Variants in ULK4 observed in about 807,000 individuals in gnomAD.
ULK4 encodes inactive serine/threonine-protein kinase ULK4.
A neutral mutation model predicts 160.6 loss-of-function variants in ULK4; 133 were observed. That is an observed-to-expected ratio of 0.83 (90% CI 0.72 to 0.96). The LOEUF is 0.96. Among genes scored for constraint, ULK4 ranks in the 40% least tolerant of loss-of-function variants. ULK4 has a pLI of 0.00. For synonymous variants in ULK4, 534 were observed against 539.8 expected, an observed-to-expected ratio of 0.99 and a Z score of 0.15; for missense variants, 1,580 against 1,499.5, an observed-to-expected ratio of 1.05 and a Z score of -0.89.
intron 32 of ULK4, among the ~76,000 whole-genome samples, chr3:41,536,117 A>G (rs2086489642): frequency 6.6e-6 from 1 of 152,104 alleles, no homozygotes. Context: ...TGACTTTTGG[A>G]GCTCACAGTC....
At chr3:41,845,377 A>G (rs1179462681) in intron 17 of ULK4, among the ~76,000 whole-genome samples, 1 of 152,180 alleles carries the variant, frequency 6.6e-6, no homozygotes, top group African/African-American at 2.4e-5. Context: ...AACAACCTAG[A>G]TGAATTTCCA....
In ULK4 at chr3:41,652,872, CAGG is replaced by C. The variant is rs1299520146; in HGVS notation, c.3071+10732_3071+10734del. Among the ~76,000 whole-genome samples the C allele has an allele frequency of 2.0e-5, 3 of 152,110 alleles. No homozygotes were observed. The East Asian group carries it at 5.8e-4, about 29-fold the overall frequency. On this transcript the variant is annotated intron_variant, in intron 30 of 36. Coordinates refer to ENST00000301831, the MANE Select transcript of ULK4 (RefSeq NM_017886.4). The stretch of plus-strand genomic sequence containing the variant: ...GTAGTACAAAGCACCATGAATAAAC[CAGG>C]AGATGTGAACCCAAAATTTGATCTT...
chr3:41,289,186 A>C (rs1280820422), intron 35 of ULK4, among the ~76,000 whole-genome samples: 1 of 152,200 alleles, frequency 6.6e-6, no homozygotes, highest in Non-Finnish European at 1.5e-5. Flanking sequence ...TGCTACTGTT[A>C]TGGCAATTAT....
At chr3:41,588,210 A>T (rs957277860) in intron 31 of ULK4, among the ~76,000 whole-genome samples, 4 of 152,186 alleles carry the variant, frequency 2.6e-5, no homozygotes, top group African/African-American at 4.8e-5. Context: ...AGCAGGAGAA[A>T]CATAGATACA....
intron 5 of ULK4, among the ~76,000 whole-genome samples, chr3:41,922,599 G>T (rs1699229612): frequency 6.6e-6 from 1 of 150,826 alleles, no homozygotes; most frequent in Non-Finnish European, 1.5e-5. Flanking sequence ...AAAGCCAAAG[G>T]TGGGGTTAAG....
At chr3:41,368,411 C>A (rs1434043453) in intron 35 of ULK4, among the ~76,000 whole-genome samples, 2 of 152,274 alleles carry the variant, frequency 1.3e-5, no homozygotes, top group Middle Eastern at 3.4e-3. Context: ...TTAAAGTGTA[C>A]AAACTCAGTG....
chr3:41,924,502 T>C (rs1398370034), intron 5 of ULK4, among the ~76,000 whole-genome samples: 2 of 152,196 alleles, frequency 1.3e-5, no homozygotes, highest in Non-Finnish European at 1.5e-5. Context: ...TGCTAGAATG[T>C]CTGACCTATT....
Position 41,881,817 on chromosome 3 carries a change from C to T in ULK4, c.1656+2057G>A, listed in dbSNP as rs563675002. Among the ~76,000 whole-genome samples the T allele has an allele frequency of 3.9e-5, 6 of 152,276 alleles. No homozygotes were observed. In the East Asian group the frequency reaches 7.7e-4, roughly 20 times the overall value. ...TACAAGAACCTCGGGAATTAACATC[C>T]ACCCTTTCCTCTCAGTTGAGGCAGC... On this transcript the variant is annotated intron_variant, in intron 17 of 36. Coordinates refer to ENST00000301831, the MANE Select transcript of ULK4 (RefSeq NM_017886.4).
At chr3:41,514,403 T>G (rs2085686120) in intron 32 of ULK4, among the ~76,000 whole-genome samples, 1 of 152,198 alleles carries the variant, frequency 6.6e-6, no homozygotes, top group Non-Finnish European at 1.5e-5. Context: ...AGGGTCATGT[T>G]TGATCCAAAT....
At chr3:41,587,529 G>C (rs1187265005) in intron 31 of ULK4, among the ~76,000 whole-genome samples, 1 of 152,084 alleles carries the variant, frequency 6.6e-6, no homozygotes, top group African/African-American at 2.4e-5. Context: ...ATATAGCTTT[G>C]AAATACTGAG....
intron 17 of ULK4, among the ~76,000 whole-genome samples, chr3:41,847,268 G>A (rs2042092264): frequency 6.6e-6 from 1 of 152,150 alleles, no homozygotes; most frequent in Non-Finnish European, 1.5e-5. Flanking sequence ...TCTAATAAAT[G>A]TGGAAGTTCT....
chr3:41,899,833 T>G (rs369554791), intron 13 of ULK4, among the ~76,000 whole-genome samples: 1 of 152,158 alleles, frequency 6.6e-6, no homozygotes, highest in African/African-American at 2.4e-5. Context: ...CAAAAAGAAG[T>G]AGCTCCATTA....
intron 18 of ULK4, among the ~76,000 whole-genome samples, chr3:41,821,531 T>G (rs1400021118): frequency 2.6e-5 from 4 of 152,168 alleles, no homozygotes; most frequent in African/African-American, 4.8e-5. Context: ...CAGGACAGGT[T>G]CCTCCATTCC....
rs1014393052 is a variant in ULK4 at position 41,316,743 on chromosome 3, A to C, written c.3679-67169T>G. 8.5e-5 allele frequency among the ~76,000 whole-genome samples: 13 copies of C among 152,282 alleles called. No individual in the cohort carries two copies. The South Asian group carries it at 2.1e-3, about 24-fold the overall frequency. Reference sequence around the variant, plus strand: ...CCCTCTGTATCTAAAATCAAACTTGAAATTTAAAAAATGGATATATTATTT... The same window carrying C: ...CCCTCTGTATCTAAAATCAAACTTGCAATTTAAAAAATGGATATATTATTT... On this transcript the variant is annotated intron_variant, in intron 35 of 36. Coordinates refer to ENST00000301831, the MANE Select transcript of ULK4 (RefSeq NM_017886.4).
At chr3:41,311,908 G>GTCCC (rs2080058250) in intron 35 of ULK4, among the ~76,000 whole-genome samples, 1 of 147,350 alleles carries the variant, frequency 6.8e-6, no homozygotes, top group African/African-American at 2.6e-5. Context: ...TATTAGTTCT[G>GTCCC]TCCCTCTAGA....
At chr3:41,481,035 T>A in intron 32 of ULK4, among the ~76,000 whole-genome samples, 1 of 152,182 alleles carries the variant, frequency 6.6e-6, no homozygotes. Context: ...ACTGTATCAG[T>A]GTATAATACA....
At chr3:41,501,165 G>A (rs149051265) in intron 32 of ULK4, among the ~76,000 whole-genome samples, 35 of 151,692 alleles carry the variant, frequency 2.3e-4, no homozygotes, top group African/African-American at 8.5e-4. Flanking sequence ...AATGCCAAAT[G>A]GCACAGCCAG....
chr3:41,691,627 A>G (rs894367844), intron 27 of ULK4, among the ~76,000 whole-genome samples: 1 of 151,814 alleles, frequency 6.6e-6, no homozygotes, highest in African/African-American at 2.4e-5. Context: ...TTATCTATTT[A>G]TTTATTTCCT....
chr3:41,521,915 C>G (rs2085943047), intron 32 of ULK4, among the ~76,000 whole-genome samples: 1 of 152,128 alleles, frequency 6.6e-6, no homozygotes, highest in Non-Finnish European at 1.5e-5. Flanking sequence ...CACATGCTAA[C>G]TTGCCAAATT....
Sources: gnomAD v4.1 joint callset for allele counts (sites outside exome capture counted in the v4.1 genomes callset) on GRCh38, gnomAD v4.1.1 for gene constraint, MANE v1.5 for transcripts, NCBI Gene and HGNC (gene_info 2026-07-23, HGNC 2026-07-21) for gene names.